The following EPB41L3 variants were observed in gnomAD, a reference collection of about 807,000 sequenced individuals.
EPB41L3 encodes band 4.1-like protein 3.
A neutral mutation model predicts 127.1 loss-of-function variants in EPB41L3; 57 were observed. The ratio of observed to expected loss-of-function variants is 0.45; its 90% CI spans 0.36 to 0.56. The LOEUF is 0.56. EPB41L3 is among the 20% of genes least tolerant of loss of function. The pLI, the probability that EPB41L3 is intolerant of heterozygous loss-of-function variation, is 0.00. For synonymous variants in EPB41L3, 572 were observed against 549.5 expected (o/e 1.04, Z -0.57); for missense variants, 1,273 against 1,372.2 (o/e 0.93, Z 1.14).
chr18:5,458,696 T>C (rs2083478910), intron 3 of EPB41L3, among the ~76,000 whole-genome samples: 1 of 129,782 alleles, frequency 7.7e-6, no homozygotes, highest in African/African-American at 3.0e-5. Flanking sequence ...AAATATGTAA[T>C]TGGTCTTGTA....
chr18:5,487,813 C>T (rs529719415), intron 2 of EPB41L3, among the ~76,000 whole-genome samples: 1 of 150,846 alleles, frequency 6.6e-6, no homozygotes, highest in Admixed American at 6.6e-5. Flanking sequence ...GGCAAACCTG[C>T]AAATACTCTA....
At chr18:5,609,902 A>G (rs2094706146) in intron 3 of EPB41L3, among the ~76,000 whole-genome samples, 1 of 152,172 alleles carries the variant, frequency 6.6e-6, no homozygotes. Context: ...CTAAATAGCA[A>G]CTTTTGCCAT....
At chr18:5,436,073 G>A (rs1046050435) in intron 6 of EPB41L3, among the ~76,000 whole-genome samples, 12 of 152,062 alleles carry the variant, frequency 7.9e-5, no homozygotes, top group African/African-American at 1.9e-4. Context: ...TGTCTTCTCC[G>A]TTATTTTGCT....
intron 9 of EPB41L3, among the ~76,000 whole-genome samples, chr18:5,427,158 C>G: frequency 6.6e-6 from 1 of 152,006 alleles, no homozygotes; most frequent in Middle Eastern, 3.2e-3. Context: ...CATGAGACAC[C>G]ATGCCCAGCC....
chr18:5,447,266 T>G (rs1253304702), intron 3 of EPB41L3, among the ~76,000 whole-genome samples: 1 of 152,136 alleles, frequency 6.6e-6, no homozygotes, highest in Non-Finnish European at 1.5e-5. Context: ...ATGTCAGCTA[T>G]TATTATAGCC....
chr18:5,572,735 A>G (rs941518417), intron 3 of EPB41L3, among the ~76,000 whole-genome samples: 37 of 152,022 alleles, frequency 2.4e-4, no homozygotes, highest in African/African-American at 8.5e-4. Context: ...CACCACACTC[A>G]GGTAATTTTT....
chr18:5,595,120 C>T (rs2094524202), intron 3 of EPB41L3, among the ~76,000 whole-genome samples: 1 of 152,154 alleles, frequency 6.6e-6, no homozygotes, highest in Admixed American at 6.6e-5. Context: ...GCATTGACTT[C>T]TGGGCAAATG....
intron 14 of EPB41L3, among the ~76,000 whole-genome samples, chr18:5,409,753 A>G (rs1319344939): frequency 1.3e-5 from 2 of 151,772 alleles, no homozygotes; most frequent in African/African-American, 2.4e-5. Flanking sequence ...ACATTATTAC[A>G]AAGTAAAAAC....
chr18:5,608,009 C>T (rs2094681322), intron 3 of EPB41L3, among the ~76,000 whole-genome samples: 1 of 151,958 alleles, frequency 6.6e-6, no homozygotes, highest in Admixed American at 6.6e-5. Flanking sequence ...AAAAACAGAC[C>T]CCTTCTTCTA....
rs1272800634 is a variant in EPB41L3, at chr18:5,392,892, T to C, written c.*593A>G. ...AAAGCAAGATTGGAAGCATTACATA[T>C]TTCCAGAGGGTCAGAGAGTCATTAC... On this transcript the variant is annotated 3_prime_UTR_variant, in exon 23 of 23. Transcript: ENST00000341928. 6.6e-6 allele frequency: 1 copy of C among 152,650 alleles called. No individual in the cohort carries two copies. The highest frequency in any genetic ancestry group is 1.9e-4 in the East Asian group (1 of 5,194). 9.5% of individuals were successfully genotyped at this position (152,650 alleles called of 1,614,324 possible).
At chr18:5,628,855 C>T (rs2094954638) in intron 1 of EPB41L3, 1 of 151,758 alleles carries the variant, frequency 6.6e-6, no homozygotes, top group African/African-American at 2.4e-5. Flanking sequence ...GCGCGCCCTC[C>T]AGCCGCGGCA....
chr18:5,583,550 G>C (rs2094414744), intron 3 of EPB41L3, among the ~76,000 whole-genome samples: 1 of 152,184 alleles, frequency 6.6e-6, no homozygotes, highest in Non-Finnish European at 1.5e-5. Context: ...TTTACTTCCA[G>C]AAAATTATGC....
chr18:5,464,323 T>C (rs1599300509), intron 3 of EPB41L3, among the ~76,000 whole-genome samples: 1 of 152,210 alleles, frequency 6.6e-6, no homozygotes, highest in East Asian at 1.9e-4. Flanking sequence ...TTACCCATTA[T>C]GCACAATCTG....
intron 2 of EPB41L3, chr18:5,612,511 T>C (rs189745160): frequency 6.6e-6 from 1 of 152,234 alleles, no homozygotes; most frequent in African/African-American, 2.4e-5. Context: ...GATAGCATTT[T>C]GTTTCTTAAC....
At chr18:5,468,426 A>G (rs2085419465) in intron 3 of EPB41L3, among the ~76,000 whole-genome samples, 1 of 152,154 alleles carries the variant, frequency 6.6e-6, no homozygotes, top group East Asian at 1.9e-4. Flanking sequence ...AGGCCTGCCC[A>G]TGGCTGCTGG....
chr18:5,436,403 C>CTTTTTTTTTTTTTTTT (rs34862547), intron 6 of EPB41L3, among the ~76,000 whole-genome samples: 1 of 100,646 alleles, frequency 9.9e-6, no homozygotes, highest in Non-Finnish European at 2.0e-5. Context: ...CATTTTCTTT[C>CTTTTTTTTTTTTTTTT]TTTTTTTTTT....
At chr18:5,408,997 T>C (rs2075855171) in intron 14 of EPB41L3, among the ~76,000 whole-genome samples, 1 of 152,098 alleles carries the variant, frequency 6.6e-6, no homozygotes, top group Admixed American at 6.5e-5. Flanking sequence ...CTTAAGAAAA[T>C]CATTTAGTCT....
intron 1 of EPB41L3, among the ~76,000 whole-genome samples, chr18:5,507,562 ATTTG>A (rs1201857131): frequency 2.0e-5 from 3 of 152,182 alleles, no homozygotes; most frequent in African/African-American, 2.4e-5. Context: ...CTAAAAATCA[ATTTG>A]TTTCAGTTGA....
intron 16 of EPB41L3, chr18:5,398,721 T>TA: frequency 2.5e-6 from 1 of 399,404 alleles, no homozygotes; most frequent in Non-Finnish European, 4.4e-6. Context: ...TTCCTGGGAA[T>TA]ATCTCCATTC....
Sources: gnomAD v4.1 joint callset for allele counts (sites outside exome capture counted in the v4.1 genomes callset) on GRCh38, gnomAD v4.1.1 for gene constraint, MANE v1.5 for transcripts, NCBI Gene and HGNC (gene_info 2026-07-23, HGNC 2026-07-21) for gene names.